Variants in QRICH2 observed in about 807,000 individuals in gnomAD.
The protein encoded by QRICH2 is glutamine-rich protein 2.
Under a neutral mutation model 168.3 loss-of-function variants are expected in QRICH2, and 119 were observed. The ratio of observed to expected loss-of-function variants is 0.71; its 90% confidence interval spans 0.61 to 0.82. QRICH2 has a LOEUF of 0.82. QRICH2 is among the 40% of genes least tolerant of loss of function. QRICH2 has a pLI of 0.00. For synonymous variants in QRICH2, 894 were observed against 951.2 expected, an observed-to-expected ratio of 0.94 and a Z score of 1.11; for missense variants, 2,241 against 2,491.6, an observed-to-expected ratio of 0.90 and a Z score of 2.14.
In QRICH2 at chr17:76,308,074, G is replaced by A. The variant is rs1419525607; in HGVS notation, c.-76C>T. On this transcript the variant is annotated 5_prime_UTR_variant, in exon 1 of 19. Transcript: ENST00000680821. The stretch of plus-strand genomic sequence containing the variant: ...CCGCTCACTGCACGCCGCGCCTTGG[G>A]GCCTTTCGGGGGCCCTGCGAGGTCC... The A allele has an allele frequency of 3.3e-6, 4 of 1,228,242 alleles. No individual in the cohort carries two copies. The highest frequency in any genetic ancestry group is 1.6e-5 in the African/African-American group (1 of 64,190). The allele number at this position is 1,228,242 out of a possible 1,614,324, so 76.1% of individuals were successfully genotyped here.
rs761825847 is a variant in QRICH2 at position 76,280,029 on chromosome 17, T to C, written c.4748+4A>G. 1.9e-6 allele frequency: 3 copies of C among 1,605,106 alleles called. No individual in the cohort carries two copies. The East Asian group carries it at 6.7e-5, about 36-fold the overall frequency. On this transcript the variant is annotated splice_donor_region_variant and intron_variant, in intron 12 of 18. Coordinates refer to ENST00000680821, the MANE Select transcript of QRICH2 (RefSeq NM_001388453.1). This position sits in a 1 kb window ranked among gnomAD's most constrained non-coding sequence, Gnocchi z 7.4. The stretch of plus-strand genomic sequence containing the variant: ...AGCCTCCTCCCCTGCCTCCCAGGCC[T>C]CACCTCCGCATGGCAGCCGCCTCGT...
At chr17:76,282,794 G>C (rs2070813376) in intron 7 of QRICH2, among the ~76,000 whole-genome samples, 1 of 152,198 alleles carries the variant, frequency 6.6e-6, no homozygotes, top group African/African-American at 2.4e-5. Context: ...AAAGACCTGA[G>C]ACATGTTGCT....
chr17:76,292,350 GCACC>G lies in QRICH2; in HGVS notation c.2373_2376del (p.Leu791PhefsTer5). ...AAACCACGCTGAACTATACCAGGTT[GCACC>G]AAACTACGCTGAACTTCACCAGGTT... is the stretch of plus-strand genomic sequence containing the variant. On this transcript the variant is annotated frameshift_variant, in exon 4 of 19. Coordinates refer to ENST00000680821, the MANE Select transcript of QRICH2 (RefSeq NM_001388453.1). LOFTEE classifies it high-confidence loss of function. The G allele has an allele frequency of 6.5e-7, 1 of 1,527,316 alleles. No individual in the cohort carries two copies. Among genetic ancestry groups the G allele is most frequent in the East Asian group, 2.9e-5 (1 of 34,188 alleles). The allele number at this position is 1,527,316 out of a possible 1,614,324, so 94.6% of individuals were successfully genotyped here. A position where few individuals can be genotyped will look rare whatever the true frequency, so the allele number is the denominator to read the frequency against.
At position 76,277,929 on chromosome 17, in the gene QRICH2, C is replaced by T; in HGVS notation, c.5117+60G>A. 3.8e-6 allele frequency: 6 copies of T among 1,572,222 alleles called. No individual in the cohort carries two copies. The South Asian group carries it at 5.6e-5, about 15-fold the overall frequency. The stretch of plus-strand genomic sequence containing the variant: ...AGGCATTTGCACAGCCGTGCACGAG[C>T]AGAAGCCAAGCCTGGTCACTGGGTG... On this transcript the variant is annotated intron_variant, in intron 15 of 18. Coordinates refer to ENST00000680821, the MANE Select transcript of QRICH2 (RefSeq NM_001388453.1).
chr17:76,278,683 C>G (rs988845009), intron 14 of QRICH2, among the ~76,000 whole-genome samples: 3 of 152,234 alleles, frequency 2.0e-5, no homozygotes, highest in African/African-American at 4.8e-5. Flanking sequence ...GACCCTCCCC[C>G]CACCGCTCTA....
In QRICH2 at chr17:76,281,969, C is replaced by A. The variant is rs149479041; in HGVS notation, c.4158G>T (p.Val1386=). The change falls in exon 8 of 19, where the codon GTG becomes GTT. Residue 1386 remains valine (V), a synonymous_variant. Coordinates refer to ENST00000680821, the MANE Select transcript of QRICH2 (RefSeq NM_001388453.1). The surrounding 1 kb of genome is among the most constrained non-coding windows in gnomAD (Gnocchi z 4.4). ...GCACCAGCGTGCTGACCTGATGGCT[C>A]ACATCCAGGCTGCAGGCTGGACAGG... ...EATCPACSLD[V]SHQVSTLVRR... 4.2e-5 allele frequency: 67 copies of A among 1,613,772 alleles called. No individual in the cohort carries two copies. The Admixed American group carries it at 4.3e-4, about 10-fold the overall frequency.
Position 76,281,583 on chromosome 17 carries a change from G to T in QRICH2, c.4263+281C>A, listed in dbSNP as rs1178852865. ...TTGGGCCTGTGTCTCCAGGGCACGC[G>T]AAGGGCACTGATCTGTCCTCAGCCG... is the stretch of plus-strand genomic sequence containing the variant. On this transcript the variant is annotated intron_variant, in intron 8 of 18. Coordinates refer to ENST00000680821, the MANE Select transcript of QRICH2 (RefSeq NM_001388453.1). This position sits in a 1 kb window ranked among gnomAD's most constrained non-coding sequence, Gnocchi z 4.4. Among the ~76,000 whole-genome samples the T allele has an allele frequency of 1.3e-5, 2 of 152,196 alleles. No homozygotes were observed. Among genetic ancestry groups the T allele is most frequent in the African/African-American group, 2.4e-5 (1 of 41,452 alleles).
rs1360113030 is a variant in QRICH2, at chr17:76,306,621, C to G, written c.534+844G>C. On this transcript the variant is annotated intron_variant, in intron 1 of 18. Coordinates refer to ENST00000680821, the MANE Select transcript of QRICH2 (RefSeq NM_001388453.1). ...CAGTTGAAGGCAGGGCTCAGTGGCT[C>G]ACGCCTGTAATGCCCAGCACTTTGG... is the stretch of plus-strand genomic sequence containing the variant. 3.9e-5 allele frequency among the ~76,000 whole-genome samples: 6 copies of G among 152,224 alleles called. No homozygotes were observed. The East Asian group carries it at 1.2e-3, about 29-fold the overall frequency.
chr17:76,280,053 G>T lies in QRICH2; in HGVS notation c.4728C>A (p.Asp1576Glu). Residue 1576 changes from aspartate (D) to glutamate (E), a missense_variant, in exon 12 of 19, where the codon GAC becomes GAA. This residue lies in a region of QRICH2 where 2,047 missense variants were observed against 2,303.8 expected (regional missense o/e 0.89). Coordinates refer to ENST00000680821, the MANE Select transcript of QRICH2 (RefSeq NM_001388453.1). This position sits in a 1 kb window ranked among gnomAD's most constrained non-coding sequence, Gnocchi z 7.4. ...CTCACCTCCGCATGGCAGCCGCCTC[G>T]TCTGCCTGGTAGAGTGGGGGGCGCT... ...LRERPPLYQA[D>E]EAAAMRRQLL... The T allele has an allele frequency of 1.9e-6, 3 of 1,612,856 alleles. No individual in the cohort carries two copies. The highest frequency in any genetic ancestry group is 2.5e-6 in the Non-Finnish European group (3 of 1,179,624).
chr17:76,278,045 G>T lies in QRICH2; in HGVS notation c.5061C>A (p.Ser1687Arg). The T allele has an allele frequency of 6.2e-7, 1 of 1,613,868 alleles. No individual in the cohort carries two copies. Among genetic ancestry groups the T allele is most frequent in the Non-Finnish European group, 8.5e-7 (1 of 1,180,034 alleles). Residue 1687 changes from serine to arginine, a missense_variant, in exon 15 of 19, where the codon AGC becomes AGA. Coordinates refer to ENST00000680821, the MANE Select transcript of QRICH2 (RefSeq NM_001388453.1). ...IHFGGSTKAS[S>R]QIIRELLHAQ... ...CGTGCAGCAGCTCGCGGATTATCTG[G>T]CTGCTGGCCTTGGTGGAGCCCCCGA...
chr17:76,292,624 C>T lies in QRICH2; in HGVS notation c.2103G>A (p.Val701=). Residue 701 remains valine, a synonymous_variant, in exon 4 of 19, where the codon GTG becomes GTA. Coordinates refer to ENST00000680821, the MANE Select transcript of QRICH2 (RefSeq NM_001388453.1). ...VQPGADQIDV[V]QPGADQHGLV... ...AACCATGCTGATCTGCACCAGGTTG[C>T]ACCACATCAATCTGATCTGCACCAG... 1 of 1,611,664 alleles carries T rather than the reference C, an allele frequency of 6.2e-7. No individual in the cohort carries two copies.
intron 3 of QRICH2, among the ~76,000 whole-genome samples, chr17:76,298,030 C>A (rs544562599): frequency 6.7e-6 from 1 of 149,080 alleles, no homozygotes; most frequent in Admixed American, 6.6e-5. Context: ...CCACCATGCC[C>A]GGCTAATTTT....
chr17:76,305,445 C>A (rs1435389122), intron 1 of QRICH2, among the ~76,000 whole-genome samples: 2 of 152,214 alleles, frequency 1.3e-5, no homozygotes, highest in African/African-American at 4.8e-5. Flanking sequence ...AGATTACAGG[C>A]AGGAGCCCCT....
intron 3 of QRICH2, among the ~76,000 whole-genome samples, chr17:76,303,513 C>T (rs1021649853): frequency 5.3e-5 from 8 of 152,058 alleles, no homozygotes; most frequent in Non-Finnish European, 1.2e-4. Flanking sequence ...GGTCGGGGAT[C>T]GGAAAACAAT....
rs1375754313 is a variant in QRICH2, at chr17:76,292,003, C to A, written c.2724G>T (p.Gln908His). Residue 908 changes from glutamine (Q) to histidine (H), a missense_variant, in exon 4 of 19, where the codon CAG becomes CAT. Gln to His is a conservative substitution (Grantham distance 24). Coordinates refer to ENST00000680821, the MANE Select transcript of QRICH2 (RefSeq NM_001388453.1). Reference sequence around the variant, plus strand: ...CTATTCCAGGCTGCACCATACCCAGCTGACCTGCACCAGGCTGGACCAAAC... The same window carrying A: ...CTATTCCAGGCTGCACCATACCCAGATGACCTGCACCAGGCTGGACCAAAC... ...QPGLVQPGAG[Q>H]LGMVQPGIGQ... is the part of the protein sequence containing the mutation. 5 of 1,614,112 alleles carry A rather than the reference C, an allele frequency of 3.1e-6. No homozygotes were observed. In the African/African-American group the frequency reaches 6.7e-5, roughly 22 times the overall value.
upstream of QRICH2, chr17:76,308,463 T>C: frequency 3.0e-6 from 3 of 985,392 alleles, no homozygotes; most frequent in Non-Finnish European, 3.6e-6. Context: ...AGGCCAGGAT[T>C]CACTCACTCT....
At position 76,307,023 on chromosome 17, in the gene QRICH2, G is replaced by A. The variant is rs1196981451; in HGVS notation, c.534+442C>T. On this transcript the variant is annotated intron_variant, in intron 1 of 18. Transcript: ENST00000680821. The surrounding 1 kb of genome is among the most constrained non-coding windows in gnomAD (Gnocchi z 5.3). Reference sequence around the variant, plus strand: ...TTGTCCTCAACACGTATCTCTTCATGTCCTTATTCATTTTAAAAAGGGAAT... The same window carrying A: ...TTGTCCTCAACACGTATCTCTTCATATCCTTATTCATTTTAAAAAGGGAAT... Among the ~76,000 whole-genome samples, 2 of 152,050 alleles carry A rather than the reference G, an allele frequency of 1.3e-5. No homozygotes were observed. Among genetic ancestry groups the A allele is most frequent in the African/African-American group, 4.8e-5 (2 of 41,372 alleles).
chr17:76,305,035 A>G, intron 1 of QRICH2, 94 bp from the exon 2 acceptor site: 1 of 845,042 alleles, frequency 1.2e-6, no homozygotes. Flanking sequence ...ACACTCTCAC[A>G]CTCAGACACA....
upstream of QRICH2, chr17:76,308,472 C>G (rs1204879974): frequency 2.0e-6 from 2 of 985,278 alleles, no homozygotes; most frequent in Non-Finnish European, 2.4e-6. Context: ...TTCACTCACT[C>G]TTGGCGGGGC....
Sources: gnomAD v4.1 joint callset for allele counts (sites outside exome capture counted in the v4.1 genomes callset) on GRCh38, gnomAD v4.1.1 for gene constraint, gnomAD v4.1.1 regional missense constraint, Gnocchi (gnomAD v3.1) non-coding constraint, MANE v1.5 for transcripts, NCBI Gene and HGNC (gene_info 2026-07-23, HGNC 2026-07-21) for gene names.